ZBBX: variants seen among roughly 807,000 people sequenced by gnomAD.
ZBBX encodes zinc finger B-box domain-containing protein 1.
A neutral mutation model predicts 108.5 loss-of-function variants in ZBBX; 101 were observed. That is an observed-to-expected ratio of 0.93 (90% CI 0.79 to 1.10). The LOEUF (loss-of-function observed/expected upper bound fraction) is 1.10. ZBBX is among the 50% of genes least tolerant of loss of function. The probability of loss-of-function intolerance (pLI) is 0.00; values close to 1 mark genes in which losing one functional copy is unlikely to be tolerated. For synonymous variants in ZBBX, 356 were observed against 323.4 expected, an observed-to-expected ratio of 1.10 and a Z score of -1.08; for missense variants, 1,009 against 941.4, an observed-to-expected ratio of 1.07 and a Z score of -0.94.
At chr3:167,334,115 A>G (rs887473335) in intron 9 of ZBBX, 130 bp from the exon 10 acceptor site, 1 of 670,476 alleles carries the variant, frequency 1.5e-6, no homozygotes, top group African/African-American at 1.8e-5. Flanking sequence ...ATTTAAAAAG[A>G]CAAATTGGCA....
rs928341174 is a variant in ZBBX at position 167,295,237 on chromosome 3, GCA to G, written c.1879+3066_1879+3067del. Among the ~76,000 whole-genome samples the G allele has an allele frequency of 3.9e-5, 6 of 152,144 alleles. No homozygotes were observed. The East Asian group carries it at 1.2e-3, about 29-fold the overall frequency. On this transcript the variant is annotated intron_variant, in intron 18 of 21. Transcript: ENST00000675490. ...AAATCATTATATTATAAAGACACAT[GCA>G]CACATATGTTTATTGCAGCACTGTT...
the ZBBX span, among the ~76,000 whole-genome samples, chr3:167,197,603 A>G: frequency 6.6e-6 from 1 of 152,202 alleles, no homozygotes; most frequent in South Asian, 2.1e-4. Flanking sequence ...ATTAAATTAC[A>G]TAGTTAGCTC....
rs745457056 is a variant in ZBBX, at chr3:167,322,185, T to C, written c.915A>G (p.Pro305=). Residue 305 remains proline, a synonymous_variant, in exon 12 of 22, where the codon CCA becomes CCG. Coordinates refer to ENST00000675490, the MANE Select transcript of ZBBX (RefSeq NM_001199201.2). Reference sequence around the variant, plus strand: ...TGTCTTCTTTAAGTTCAATATTAAGTGGTTCTCTCCAAATTTTCAGATTAG... The same window carrying C: ...TGTCTTCTTTAAGTTCAATATTAAGCGGTTCTCTCCAAATTTTCAGATTAG... ...VQTNLKIWRE[P]LNIELKEDIL... 2 of 1,475,390 alleles carry C rather than the reference T, an allele frequency of 1.4e-6. No homozygotes were observed. Among genetic ancestry groups the C allele is most frequent in the East Asian group, 2.6e-5 (1 of 38,846 alleles). The allele number at this position is 1,475,390 out of a possible 1,614,324, so 91.4% of individuals were successfully genotyped here. A position where few individuals can be genotyped will look rare whatever the true frequency, so the allele number is the denominator to read the frequency against.
At chr3:167,330,312 A>G (rs931526027) in intron 10 of ZBBX, among the ~76,000 whole-genome samples, 2 of 152,214 alleles carry the variant, frequency 1.3e-5, no homozygotes, top group African/African-American at 4.8e-5. Flanking sequence ...AGAGAATGAA[A>G]TGCACTTTCC....
the ZBBX span, among the ~76,000 whole-genome samples, chr3:167,221,277 T>A: frequency 4.6e-5 from 1 of 21,730 alleles, no homozygotes; most frequent in Non-Finnish European, 7.7e-5. Flanking sequence ...ACTACAGAGC[T>A]GTAGTAACAA....
chr3:167,360,671 T>C lies in ZBBX; in HGVS notation c.322+4A>G. 1 of 1,362,868 alleles carries C rather than the reference T, an allele frequency of 7.3e-7. No homozygotes were observed. The highest frequency in any genetic ancestry group is 2.8e-5 in the East Asian group (1 of 36,140). The allele number at this position is 1,362,868 out of a possible 1,614,324, so 84.4% of individuals were successfully genotyped here. The stretch of plus-strand genomic sequence containing the variant: ...ATTTATTAACATGGTGATAAATTAT[T>C]TACCTTGAATCTGTTCCTTCAGCAA... On this transcript the variant is annotated splice_donor_region_variant and intron_variant, in intron 7 of 21. Coordinates refer to ENST00000675490, the MANE Select transcript of ZBBX (RefSeq NM_001199201.2).
chr3:167,327,731 T>C (rs1473697254), intron 11 of ZBBX, among the ~76,000 whole-genome samples: 3 of 151,858 alleles, frequency 2.0e-5, no homozygotes, highest in Non-Finnish European at 4.4e-5. Context: ...CTGCCCAACA[T>C]GGCAAAACCC....
intron 1 of ZBBX, among the ~76,000 whole-genome samples, chr3:167,403,447 G>C (rs912016963): frequency 2.0e-5 from 3 of 152,060 alleles, no homozygotes; most frequent in African/African-American, 7.2e-5. Flanking sequence ...TCTTCAATCT[G>C]AAGAGAAATG....
chr3:167,381,389 T>C (rs964014840), upstream of ZBBX: 1 of 152,142 alleles, frequency 6.6e-6, no homozygotes. Context: ...AACAGTACAG[T>C]TAGTCCATAC....
chr3:167,215,866 T>C, the ZBBX span, among the ~76,000 whole-genome samples: 1 of 151,990 alleles, frequency 6.6e-6, no homozygotes, highest in African/African-American at 2.4e-5. Context: ...TAAACAGAAC[T>C]AAGGGAAAAA....
Position 167,362,692 on chromosome 3 carries a change from C to T in ZBBX, c.274-1969G>A, listed in dbSNP as rs570455666. On this transcript the variant is annotated intron_variant, in intron 6 of 21. Transcript: ENST00000675490. Reference sequence around the variant, plus strand: ...CACCTTTGCTTAGACACAATCTTCACCAAAGCACTTCCCACAGGACCTAGC... The same window carrying T: ...CACCTTTGCTTAGACACAATCTTCATCAAAGCACTTCCCACAGGACCTAGC... Among the ~76,000 whole-genome samples the T allele has an allele frequency of 7.9e-5, 12 of 152,238 alleles. No homozygotes were observed. The South Asian group carries it at 2.3e-3, about 29-fold the overall frequency.
chr3:167,395,078 C>T (rs777272517), intron 1 of ZBBX, among the ~76,000 whole-genome samples: 2 of 152,004 alleles, frequency 1.3e-5, no homozygotes, highest in African/African-American at 2.4e-5. Flanking sequence ...GGAGACCTAA[C>T]ATTTTCTCTT....
At chr3:167,269,041 ACT>A (rs1335341529) in intron 20 of ZBBX, among the ~76,000 whole-genome samples, 1 of 152,206 alleles carries the variant, frequency 6.6e-6, no homozygotes, top group African/African-American at 2.4e-5. Context: ...AGGGCAGGCC[ACT>A]TCAAAAGAGA....
intron 12 of ZBBX, among the ~76,000 whole-genome samples, chr3:167,321,510 G>A (rs1193579760): frequency 6.6e-6 from 1 of 151,942 alleles, no homozygotes; most frequent in Admixed American, 6.6e-5. Flanking sequence ...ATTCTAGAGA[G>A]CTCCTCCAAC....
intron 10 of ZBBX, chr3:167,331,453 C>T (rs538119943): frequency 8.7e-6 from 5 of 575,360 alleles, no homozygotes; most frequent in African/African-American, 2.0e-5. Context: ...TGGCTTAATA[C>T]AAAATGATTT....
At chr3:167,291,926 A>C (rs1730763670) in intron 18 of ZBBX, among the ~76,000 whole-genome samples, 1 of 152,208 alleles carries the variant, frequency 6.6e-6, no homozygotes, top group African/African-American at 2.4e-5. Context: ...AATAAAACAG[A>C]CTTTAAACCA....
chr3:167,179,841 A>T, the ZBBX span, among the ~76,000 whole-genome samples: 1 of 152,246 alleles, frequency 6.6e-6, no homozygotes, highest in African/African-American at 2.4e-5. Flanking sequence ...AATTTCAAAA[A>T]CTGAAACAGT....
At chr3:167,292,263 C>A (rs541051198) in intron 18 of ZBBX, among the ~76,000 whole-genome samples, 1 of 152,306 alleles carries the variant, frequency 6.6e-6, no homozygotes, top group Admixed American at 6.5e-5. Flanking sequence ...TTCTTCCCAG[C>A]ATCACATCAC....
chr3:167,334,295 G>A (rs1366004629), intron 9 of ZBBX, among the ~76,000 whole-genome samples: 2 of 151,994 alleles, frequency 1.3e-5, no homozygotes, highest in Admixed American at 6.6e-5. Context: ...AGCTTAGGCC[G>A]GGCGTGGTGG....
Sources: allele counts gnomAD v4.1 joint callset (sites outside exome capture counted in the v4.1 genomes callset), GRCh38; gene constraint gnomAD v4.1.1; transcripts MANE v1.5; gene names NCBI Gene and HGNC (gene_info 2026-07-23, HGNC 2026-07-21).